REDIC1: variants seen among roughly 807,000 people sequenced by gnomAD.
REDIC1 encodes the protein regulator of DNA class I crossover intermediates 1, also known as HEI10 Interacting Protein 1.
chr12:39,664,992 A>G, the REDIC1 span, among the ~76,000 whole-genome samples: 1 of 152,262 alleles, frequency 6.6e-6, no homozygotes, highest in African/African-American at 2.4e-5. Flanking sequence ...AGATGGATAG[A>G]TTGCAAAAAT....
the REDIC1 span, among the ~76,000 whole-genome samples, chr12:39,729,099 C>A: frequency 6.6e-6 from 1 of 151,960 alleles, no homozygotes; most frequent in South Asian, 2.1e-4. Flanking sequence ...TTAATCTTTT[C>A]AAAAAACCAG....
chr12:39,740,488 T>C, the REDIC1 span, among the ~76,000 whole-genome samples: 1 of 152,212 alleles, frequency 6.6e-6, no homozygotes, highest in Admixed American at 6.5e-5. Flanking sequence ...ATAAAAACCA[T>C]GTGCTGTAAA....
chr12:39,687,674 C>T, the REDIC1 span, among the ~76,000 whole-genome samples: 2 of 152,138 alleles, frequency 1.3e-5, no homozygotes, highest in Admixed American at 1.3e-4. Flanking sequence ...CGGGGGGTAC[C>T]CAAAGATCCA....
the REDIC1 span, among the ~76,000 whole-genome samples, chr12:39,689,738 G>A: frequency 6.6e-6 from 1 of 152,120 alleles, no homozygotes; most frequent in Non-Finnish European, 1.5e-5. Context: ...GGAGGAAAAT[G>A]TGGTCAGTAG....
chr12:39,751,749 G>A, the REDIC1 span, among the ~76,000 whole-genome samples: 19,926 of 152,198 alleles, frequency 0.13, 1,692 homozygotes, highest in Middle Eastern at 0.24. Context: ...CATGTCCTTT[G>A]TAGGGACATG....
At chr12:39,683,313 A>G in the REDIC1 span, 1 of 1,108,950 alleles carries the variant, frequency 9.0e-7, no homozygotes, top group Admixed American at 2.4e-5. Context: ...ATTGTGGACC[A>G]GTGGTTTTCC....
the REDIC1 span, chr12:39,683,062 G>T: frequency 6.2e-7 from 1 of 1,612,982 alleles, no homozygotes; most frequent in Non-Finnish European, 8.5e-7. Context: ...GTATCAGAGA[G>T]AGTATAACAA....
the REDIC1 span, among the ~76,000 whole-genome samples, chr12:39,692,555 T>C: frequency 6.6e-6 from 1 of 151,620 alleles, no homozygotes. Flanking sequence ...TTTCACCCAA[T>C]ATTATATTTT....
the REDIC1 span, among the ~76,000 whole-genome samples, chr12:39,784,801 G>A: frequency 6.6e-6 from 1 of 152,098 alleles, no homozygotes; most frequent in African/African-American, 2.4e-5. Flanking sequence ...CTATAGAATG[G>A]GAGAACATTT....
the REDIC1 span, among the ~76,000 whole-genome samples, chr12:39,813,169 T>G: frequency 6.6e-6 from 1 of 151,754 alleles, no homozygotes; most frequent in Non-Finnish European, 1.5e-5. Context: ...TGCCCTCCCT[T>G]TAAAACTTCT....
chr12:39,833,402 G>C, the REDIC1 span, among the ~76,000 whole-genome samples: 2 of 151,870 alleles, frequency 1.3e-5, no homozygotes, highest in Non-Finnish European at 2.9e-5. Flanking sequence ...CTACCTCAAA[G>C]AGACCTTCAA....
the REDIC1 span, among the ~76,000 whole-genome samples, chr12:39,747,483 C>G: frequency 6.6e-6 from 1 of 152,176 alleles, no homozygotes. Context: ...GAGAATGGAA[C>G]CAAGTTGGAA....
At chr12:39,872,023 G>C in the REDIC1 span, 1 of 1,357,324 alleles carries the variant, frequency 7.4e-7, no homozygotes. Context: ...GGGTTATTTT[G>C]ATAGAAAAAG....
chr12:39,896,748 T>C, the REDIC1 span, among the ~76,000 whole-genome samples: 2 of 152,002 alleles, frequency 1.3e-5, no homozygotes, highest in Non-Finnish European at 2.9e-5. Flanking sequence ...ATCTTGCAGT[T>C]TCTATTATAT....
the REDIC1 span, among the ~76,000 whole-genome samples, chr12:39,887,141 A>C: frequency 1.3e-5 from 2 of 152,216 alleles, no homozygotes; most frequent in Admixed American, 1.3e-4. Context: ...TTCATATTTA[A>C]CACTTTAAAT....
At chr12:39,682,842 T>A in the REDIC1 span, 1 of 1,612,178 alleles carries the variant, frequency 6.2e-7, no homozygotes, top group Non-Finnish European at 8.5e-7. Flanking sequence ...ATATGATCAA[T>A]GTATTAAACA....
the REDIC1 span, among the ~76,000 whole-genome samples, chr12:39,726,671 A>G: frequency 6.6e-6 from 1 of 152,180 alleles, no homozygotes; most frequent in South Asian, 2.1e-4. Context: ...TCCTTTGGGT[A>G]TATACCCAGT....
the REDIC1 span, among the ~76,000 whole-genome samples, chr12:39,751,594 C>T: frequency 1.3e-5 from 2 of 152,174 alleles, no homozygotes; most frequent in East Asian, 3.8e-4. Flanking sequence ...TATAAAGACA[C>T]ATGGACATGT....
the REDIC1 span, among the ~76,000 whole-genome samples, chr12:39,791,454 T>C: frequency 4.9e-5 from 1 of 20,532 alleles, no homozygotes; most frequent in Admixed American, 5.5e-4. Context: ...GCAGACGACA[T>C]GATTGTTTAT....
Sources: allele counts gnomAD v4.1 joint callset (sites outside exome capture counted in the v4.1 genomes callset), GRCh38; gene constraint gnomAD v4.1.1; transcripts MANE v1.5; gene names NCBI Gene and HGNC (gene_info 2026-07-23, HGNC 2026-07-21).